Variants in ARHGEF4 observed in about 807,000 individuals in gnomAD.
The protein encoded by ARHGEF4 is Rho guanine nucleotide exchange factor 4, also known as APC-stimulated guanine nucleotide exchange factor 1.
A neutral mutation model predicts 162.0 loss-of-function variants in ARHGEF4; 119 were observed. That is an observed-to-expected ratio of 0.73 (90% confidence interval 0.63 to 0.86). The LOEUF is 0.86. Ranked by LOEUF, ARHGEF4 falls within the 40% of genes least tolerant of loss-of-function variation. The probability of loss-of-function intolerance (pLI) is 0.00; values close to 1 mark genes in which losing one functional copy is unlikely to be tolerated. For missense variants in ARHGEF4, 2,488 were observed against 2,456.0 expected (o/e 1.01, Z -0.28); for synonymous variants, 1,014 against 979.9 (o/e 1.03, Z -0.65).
intron 1 of ARHGEF4, among the ~76,000 whole-genome samples, chr2:130,879,719 T>A (rs1406802842): frequency 2.0e-5 from 3 of 152,246 alleles, no homozygotes. Context: ...TTTACTTGCG[T>A]AATGGCCTCC....
At chr2:131,030,783 G>C (rs1447520000) in intron 5 of ARHGEF4, among the ~76,000 whole-genome samples, 1 of 152,222 alleles carries the variant, frequency 6.6e-6, no homozygotes, top group Admixed American at 6.5e-5. Context: ...TGTGACACCG[G>C]AGCCCTCACT....
intron 2 of ARHGEF4, among the ~76,000 whole-genome samples, chr2:130,921,553 G>A (rs1044596519): frequency 6.6e-6 from 1 of 152,166 alleles, no homozygotes; most frequent in Non-Finnish European, 1.5e-5. Context: ...CTCATTAGGA[G>A]TATCCTTTGC....
chr2:130,923,950 G>A (rs373643646), intron 2 of ARHGEF4, among the ~76,000 whole-genome samples: 17 of 149,812 alleles, frequency 1.1e-4, no homozygotes, highest in African/African-American at 2.9e-4. Flanking sequence ...GCACGATCTC[G>A]GCTCACTGCA....
intron 6 of ARHGEF4, 83 bp from the exon 7 acceptor site, chr2:131,039,933 C>T (rs1285595992): frequency 2.3e-5 from 34 of 1,500,896 alleles, no homozygotes; most frequent in Non-Finnish European, 2.9e-5. Context: ...GCCTCCGAGG[C>T]CCGGTTCCCG....
intron 4 of ARHGEF4, among the ~76,000 whole-genome samples, chr2:130,975,221 A>G (rs1685627647): frequency 6.6e-6 from 1 of 152,222 alleles, no homozygotes; most frequent in South Asian, 2.1e-4. Flanking sequence ...CCAAGTGTCT[A>G]AGGAGCTAAT....
rs756372147 is a variant in ARHGEF4 at position 130,916,550 on chromosome 2, TGCAGGGCCGGCAGGAGC to T, written c.2606_2622del (p.Ala869GlyfsTer11). The T allele has an allele frequency of 6.5e-7, 1 of 1,550,028 alleles. No homozygotes were observed. Among genetic ancestry groups the T allele is most frequent in the South Asian group, 1.2e-5 (1 of 83,970 alleles). Reference sequence around the variant, plus strand: ...TCCCGCAGGCTGCAGGCGACAGGACTGCAGGGCCGGCAGGAGCGGGGCACACGGGGACCTCAGGGGAT... The same window carrying T: ...TCCCGCAGGCTGCAGGCGACAGGACTGGGGCACACGGGGACCTCAGGGGAT... On this transcript the variant is annotated frameshift_variant, in exon 2 of 14. Coordinates refer to ENST00000409359, the MANE Select transcript of ARHGEF4 (RefSeq NM_001367493.1). LOFTEE classifies it high-confidence loss of function.
At chr2:131,035,062 G>T in intron 5 of ARHGEF4, 3 of 1,005,290 alleles carry the variant, frequency 3.0e-6, no homozygotes, top group Non-Finnish European at 3.6e-6. Context: ...GCGGGATCTC[G>T]GGGCCGCACG....
chr2:131,007,142 A>C (rs1378659875), intron 4 of ARHGEF4, among the ~76,000 whole-genome samples: 1 of 152,196 alleles, frequency 6.6e-6, no homozygotes, highest in African/African-American at 2.4e-5. Context: ...TGGACCTACT[A>C]TGTTCTCAGT....
At chr2:131,045,306 T>G in intron 12 of ARHGEF4, 63 bp from the exon 13 acceptor site, 1 of 1,452,550 alleles carries the variant, frequency 6.9e-7, no homozygotes, top group South Asian at 1.2e-5. Context: ...GGTGCAGGTG[T>G]GCAGGGAACT....
intron 4 of ARHGEF4, among the ~76,000 whole-genome samples, chr2:130,968,678 G>T (rs894559545): frequency 1.3e-5 from 2 of 152,192 alleles, no homozygotes; most frequent in Non-Finnish European, 2.9e-5. Context: ...CAAGCACTTT[G>T]GGAGGCCAAG....
intron 2 of ARHGEF4, among the ~76,000 whole-genome samples, chr2:130,930,370 CAG>C (rs1682560672): frequency 6.6e-6 from 1 of 152,148 alleles, no homozygotes. Context: ...TTCCAAACAA[CAG>C]AGATGCTGGT....
intron 1 of ARHGEF4, among the ~76,000 whole-genome samples, chr2:130,848,300 G>A (rs1010617399): frequency 1.3e-5 from 2 of 152,190 alleles, no homozygotes; most frequent in African/African-American, 4.8e-5. Flanking sequence ...CGCTGCCCCA[G>A]CATACCGACT....
chr2:130,916,373 G>A lies in ARHGEF4; in HGVS notation c.2427G>A (p.Glu809=), dbSNP rs758032281. 5 of 1,535,070 alleles carry A rather than the reference G, an allele frequency of 3.3e-6. No individual in the cohort carries two copies. The South Asian group carries it at 3.6e-5, about 11-fold the overall frequency. ...GGAAGGGCAGGCCCTTGGCCACTGAGAGCCCAGGAGGGGTCCCGGCCCCGA... is the reference window on the plus strand; with the variant it reads ...GGAAGGGCAGGCCCTTGGCCACTGAAAGCCCAGGAGGGGTCCCGGCCCCGA... ...SFRKGRPLAT[E]SPGGVPAPTT... Residue 809 remains glutamate, a synonymous_variant, in exon 2 of 14, where the codon GAG becomes GAA. Transcript: ENST00000409359.
rs753146345 is a variant in ARHGEF4, at chr2:130,976,918, G to GT, written c.3985+30283_3985+30284insT. On this transcript the variant is annotated intron_variant, in intron 4 of 13. Coordinates refer to ENST00000409359, the MANE Select transcript of ARHGEF4 (RefSeq NM_001367493.1). ...GTATGCATTAGTGTGTGGTGTGTAT[G>GT]GTGTGTTAGTATGTGTGGTGTGTGT... is the stretch of plus-strand genomic sequence containing the variant. 2.5e-3 allele frequency among the ~76,000 whole-genome samples: 381 copies of GT among 151,948 alleles called. 3 individuals carry two copies. Among genetic ancestry groups the GT allele is most frequent in the South Asian group, 0.019 (91 of 4,802 alleles).
chr2:130,910,323 T>C (rs1363969089), intron 1 of ARHGEF4, among the ~76,000 whole-genome samples: 3 of 152,178 alleles, frequency 2.0e-5, no homozygotes, highest in Non-Finnish European at 4.4e-5. Context: ...AATACATGGT[T>C]GGCAAATACT....
chr2:130,950,358 C>T (rs535723449), intron 4 of ARHGEF4, among the ~76,000 whole-genome samples: 31 of 152,236 alleles, frequency 2.0e-4, no homozygotes, highest in African/African-American at 7.0e-4. Flanking sequence ...GGGCCAGGTA[C>T]ATCTCTGAGA....
intron 1 of ARHGEF4, among the ~76,000 whole-genome samples, chr2:130,841,582 C>T (rs1234604170): frequency 3.3e-5 from 5 of 152,144 alleles, no homozygotes; most frequent in African/African-American, 1.2e-4. Context: ...CCGTTCTCAT[C>T]TGTAGAATTT....
At chr2:130,907,123 A>G (rs1438343339) in intron 1 of ARHGEF4, among the ~76,000 whole-genome samples, 1 of 151,168 alleles carries the variant, frequency 6.6e-6, no homozygotes, top group East Asian at 1.9e-4. Context: ...ATCATACAAT[A>G]TGCAGTCTTT....
chr2:130,889,882 G>A (rs1461083503), intron 1 of ARHGEF4, among the ~76,000 whole-genome samples: 1 of 150,546 alleles, frequency 6.6e-6, no homozygotes, highest in East Asian at 1.9e-4. Context: ...ATTCTGGTTT[G>A]GCTGCTACTT....
Sources: allele counts gnomAD v4.1 joint callset (sites outside exome capture counted in the v4.1 genomes callset), GRCh38; gene constraint gnomAD v4.1.1; transcripts MANE v1.5; gene names NCBI Gene and HGNC (gene_info 2026-07-23, HGNC 2026-07-21).